RANBP2: variants seen among roughly 807,000 people sequenced by gnomAD.
The protein encoded by RANBP2 is RAN binding protein 2.
RANBP2 carries 57 observed loss-of-function variants against 303.6 expected under a neutral mutation model. That is an observed-to-expected ratio of 0.19 (90% CI 0.15 to 0.23). RANBP2 has a LOEUF of 0.23. Among genes scored for constraint, RANBP2 ranks in the 10% least tolerant of loss-of-function variants. RANBP2 has a pLI of 1.00. For missense variants in RANBP2, 3,138 were observed against 3,780.8 expected (o/e 0.83, Z 4.46); for synonymous variants, 1,167 against 1,301.5 (o/e 0.90, Z 2.23).
chr2:109,604,509 C>T, the RANBP2 span, among the ~76,000 whole-genome samples: 2 of 151,576 alleles, frequency 1.3e-5, no homozygotes, highest in Admixed American at 6.6e-5. Flanking sequence ...GGTGGGATCA[C>T]GAGGTCAGGA....
the RANBP2 span, chr2:108,906,185 A>C: frequency 7.2e-6 from 7 of 977,072 alleles, no homozygotes; most frequent in Non-Finnish European, 9.8e-6. Context: ...ATTCTGACCA[A>C]AGTGCGGCAA....
the RANBP2 span, among the ~76,000 whole-genome samples, chr2:109,623,246 C>T: frequency 6.6e-6 from 1 of 152,134 alleles, no homozygotes; most frequent in Non-Finnish European, 1.5e-5. Flanking sequence ...CCTGTAAATC[C>T]CTAGTGGCCT....
At chr2:109,126,941 A>G in the RANBP2 span, among the ~76,000 whole-genome samples, 1 of 152,152 alleles carries the variant, frequency 6.6e-6, no homozygotes, top group Admixed American at 6.5e-5. Flanking sequence ...CTCTTGGATC[A>G]AGCATCCTGG....
chr2:109,721,547 A>T, the RANBP2 span, among the ~76,000 whole-genome samples: 10 of 151,926 alleles, frequency 6.6e-5, no homozygotes, highest in African/African-American at 9.7e-5. Flanking sequence ...GCCCAAAGAT[A>T]AAAAAAACAG....
the RANBP2 span, among the ~76,000 whole-genome samples, chr2:109,184,459 G>A: frequency 6.6e-6 from 1 of 152,324 alleles, no homozygotes; most frequent in East Asian, 1.9e-4. Context: ...CCCTGGGGGA[G>A]CTCTGGTCCC....
chr2:108,789,814 G>GA (rs1198173229), downstream of RANBP2, among the ~76,000 whole-genome samples: 2 of 151,992 alleles, frequency 1.3e-5, no homozygotes, highest in Admixed American at 1.3e-4. Context: ...TTACTATGGG[G>GA]AAAAAATATA....
chr2:108,763,572 G>A lies in RANBP2; in HGVS notation c.3033G>A (p.Pro1011=), dbSNP rs78215631. 8.5e-4 allele frequency: 1,371 copies of A among 1,614,020 alleles called. 9 individuals are homozygous for A. The African/African-American group carries it at 0.016, about 19-fold the overall frequency. The change falls in exon 20 of 29, where the codon CCG becomes CCA. Residue 1011 remains proline, a synonymous_variant. Transcript: ENST00000283195. The stretch of plus-strand genomic sequence containing the variant: ...AAACTAATTTTGTTCAGCCCATGCC[G>A]GGTGAAGGATTAAGGCCATCTTTGC... The part of the protein sequence containing the change: ...FGKTNFVQPM[P]GEGLRPSLPT...
chr2:108,879,898 C>A, the RANBP2 span, among the ~76,000 whole-genome samples: 2 of 151,968 alleles, frequency 1.3e-5, no homozygotes, highest in African/African-American at 2.4e-5. Context: ...AAGAAATTTT[C>A]TAGAGTAAAC....
chr2:109,239,804 G>A, the RANBP2 span, among the ~76,000 whole-genome samples: 3 of 152,150 alleles, frequency 2.0e-5, no homozygotes, highest in Non-Finnish European at 4.4e-5. Context: ...GGTGTTTCAC[G>A]GCCACCTGCC....
At chr2:109,673,583 G>T in the RANBP2 span, among the ~76,000 whole-genome samples, 1 of 152,210 alleles carries the variant, frequency 6.6e-6, no homozygotes, top group Non-Finnish European at 1.5e-5. Flanking sequence ...GTGGATGTGG[G>T]CTGGGTGCAG....
At chr2:109,630,959 G>A in the RANBP2 span, among the ~76,000 whole-genome samples, 2 of 152,100 alleles carry the variant, frequency 1.3e-5, no homozygotes, top group Non-Finnish European at 1.5e-5. Flanking sequence ...CCAGCTACTC[G>A]GGAGGCTGAG....
In RANBP2 at chr2:108,767,707, A is replaced by G; in HGVS notation, c.7168A>G (p.Met2390Val). 1 of 1,612,044 alleles carries G rather than the reference A, an allele frequency of 6.2e-7. No individual in the cohort carries two copies. The highest frequency in any genetic ancestry group is 1.1e-5 in the South Asian group (1 of 90,992). Reference sequence around the variant, plus strand: ...TGCCAATCACAGAATAACTCCAGACATGACTTTGCAAAATATGAAAGGGAC... The same window carrying G: ...TGCCAATCACAGAATAACTCCAGACGTGACTTTGCAAAATATGAAAGGGAC... ...LCANHRITPD[M>V]TLQNMKGTER... The change falls in exon 20 of 29, where the codon ATG (methionine) becomes GTG (valine). Residue 2390 changes from methionine (M) to valine (V), a missense_variant. Met to Val is a conservative substitution (Grantham distance 21, BLOSUM62 1). Around this residue, in one of 20 missense-constraint regions of RANBP2, gnomAD observed 92 missense variants for 211.0 expected, o/e 0.44. Transcript: ENST00000283195.
the RANBP2 span, among the ~76,000 whole-genome samples, chr2:109,286,687 C>T: frequency 2.0e-5 from 3 of 152,330 alleles, no homozygotes; most frequent in Admixed American, 1.3e-4. Context: ...CATAGCTCAT[C>T]TGCTAGCAAA....
At chr2:108,743,747 A>T (rs752377434) in intron 7 of RANBP2, among the ~76,000 whole-genome samples, 1 of 152,220 alleles carries the variant, frequency 6.6e-6, no homozygotes, top group African/African-American at 2.4e-5. Context: ...TTGTGCCTCA[A>T]TGTGGGTGTG....
At chr2:109,514,572 G>T in the RANBP2 span, among the ~76,000 whole-genome samples, 1 of 152,176 alleles carries the variant, frequency 6.6e-6, no homozygotes, top group Admixed American at 6.5e-5. Context: ...TGGGACCAGG[G>T]CCGTCCCTAG....
the RANBP2 span, chr2:108,839,286 A>G: frequency 1.9e-6 from 3 of 1,611,506 alleles, no homozygotes; most frequent in African/African-American, 1.3e-5. Flanking sequence ...TAAGGCAGCT[A>G]GATGCTGGAG....
the RANBP2 span, chr2:109,546,169 T>A: frequency 6.2e-7 from 1 of 1,609,764 alleles, no homozygotes; most frequent in Non-Finnish European, 8.5e-7. Flanking sequence ...CCAAAAGTCT[T>A]CTCTTTTCTT....
chr2:109,158,997 A>G, the RANBP2 span, among the ~76,000 whole-genome samples: 11 of 152,214 alleles, frequency 7.2e-5, no homozygotes, highest in African/African-American at 2.4e-5. Flanking sequence ...CACGCCTGTA[A>G]TCCCAGCTAC....
chr2:108,911,087 A>G, the RANBP2 span: 1 of 1,613,848 alleles, frequency 6.2e-7, no homozygotes, highest in Non-Finnish European at 8.5e-7. Flanking sequence ...GGGTGGAGAG[A>G]AGGCATGAAT....
Sources: allele counts gnomAD v4.1 joint callset (sites outside exome capture counted in the v4.1 genomes callset), GRCh38; gene constraint gnomAD v4.1.1; regional missense constraint gnomAD v4.1.1; transcripts MANE v1.5; gene names NCBI Gene and HGNC (gene_info 2026-07-23, HGNC 2026-07-21).